LARGE1: variants seen among roughly 807,000 people sequenced by gnomAD.
LARGE1 encodes the protein LARGE xylosyl- and glucuronyltransferase 1.
In LARGE1, 43 loss-of-function variants were observed where a neutral mutation model predicts 87.6. The observed-to-expected ratio is 0.49, with a 90% CI of 0.38 to 0.63. LARGE1 has a LOEUF of 0.63. LARGE1 is among the 30% of genes least tolerant of loss of function. The probability of loss-of-function intolerance (pLI) is 0.00; values close to 1 mark genes in which losing one functional copy is unlikely to be tolerated. For missense variants in LARGE1, 802 were observed against 1,000.2 expected (o/e 0.80, Z 2.67); for synonymous variants, 434 against 394.6 (o/e 1.10, Z -1.18).
intron 11 of LARGE1, among the ~76,000 whole-genome samples, chr22:33,216,069 T>A (rs1456532974): frequency 1.3e-5 from 2 of 152,226 alleles, no homozygotes; most frequent in African/African-American, 2.4e-5. Context: ...ATATAGATAA[T>A]CAGTTGTCTC....
intron 6 of LARGE1, among the ~76,000 whole-genome samples, chr22:33,483,862 CCCCTGTT>C (rs1398172375): frequency 6.6e-6 from 1 of 152,066 alleles, no homozygotes; most frequent in East Asian, 1.9e-4. Context: ...TTCCCCAAGG[CCCCTGTT>C]CCCCATGCAT....
chr22:33,345,300 G>A, intron 9 of LARGE1, among the ~76,000 whole-genome samples: 1 of 152,166 alleles, frequency 6.6e-6, no homozygotes, highest in East Asian at 1.9e-4. Context: ...TTGAACCCAA[G>A]CAGATAGAAA....
intron 9 of LARGE1, among the ~76,000 whole-genome samples, chr22:33,342,358 T>C (rs1177992356): frequency 6.6e-6 from 1 of 152,184 alleles, no homozygotes; most frequent in Admixed American, 6.5e-5. Flanking sequence ...CTTAATGGAT[T>C]GTGCACAAAT....
intron 1 of LARGE1, among the ~76,000 whole-genome samples, chr22:33,780,502 C>T (rs1049296618): frequency 2.0e-5 from 3 of 152,180 alleles, no homozygotes; most frequent in Non-Finnish European, 4.4e-5. Context: ...ACAGCTGCCA[C>T]AGGCCTCAAC....
intron 7 of LARGE1, among the ~76,000 whole-genome samples, chr22:33,423,891 A>T (rs887236215): frequency 6.6e-6 from 1 of 152,200 alleles, no homozygotes; most frequent in African/African-American, 2.4e-5. Flanking sequence ...TCCAAAGAAG[A>T]TAAAACTCAC....
intron 11 of LARGE1, among the ~76,000 whole-genome samples, chr22:33,260,594 T>C (rs1452168700): frequency 6.6e-6 from 1 of 152,188 alleles, no homozygotes; most frequent in African/African-American, 2.4e-5. Flanking sequence ...CGGCCATGCA[T>C]CTAGCAGAGG....
chr22:33,498,104 C>T (rs994626043), intron 6 of LARGE1, among the ~76,000 whole-genome samples: 3 of 152,014 alleles, frequency 2.0e-5, no homozygotes, highest in Non-Finnish European at 2.9e-5. Context: ...AGGCTGGTCT[C>T]GAGTTCCTGG....
At chr22:33,900,437 G>A (rs1470724397) in intron 1 of LARGE1, among the ~76,000 whole-genome samples, 4 of 152,196 alleles carry the variant, frequency 2.6e-5, no homozygotes, top group African/African-American at 9.6e-5. Flanking sequence ...TGCTTGGAAT[G>A]AAGAGCCTCT....
intron 1 of LARGE1, among the ~76,000 whole-genome samples, chr22:33,761,760 G>A (rs1356396527): frequency 1.3e-5 from 2 of 152,022 alleles, no homozygotes; most frequent in Admixed American, 6.6e-5. Flanking sequence ...AACAAAAACT[G>A]TAAGCTCGCT....
chr22:33,180,199 A>G (rs955019223), intron 11 of LARGE1, among the ~76,000 whole-genome samples: 1 of 152,180 alleles, frequency 6.6e-6, no homozygotes, highest in Non-Finnish European at 1.5e-5. Flanking sequence ...ATTTTGTAAT[A>G]GCAGCAGAAA....
At chr22:33,518,012 A>G (rs1426415644) in intron 6 of LARGE1, among the ~76,000 whole-genome samples, 1 of 152,114 alleles carries the variant, frequency 6.6e-6, no homozygotes, top group Non-Finnish European at 1.5e-5. Flanking sequence ...ACTCCTACAG[A>G]TTTTTCTGGG....
intron 2 of LARGE1, among the ~76,000 whole-genome samples, chr22:33,687,852 C>A (rs1438565595): frequency 6.6e-6 from 1 of 152,132 alleles, no homozygotes; most frequent in African/African-American, 2.4e-5. Context: ...TAATATTTGT[C>A]CTATTCTTTA....
At position 33,457,900 on chromosome 22, in the gene LARGE1, T is replaced by C. The variant is rs538818589; in HGVS notation, c.788-25635A>G. Among the ~76,000 whole-genome samples the C allele has an allele frequency of 3.3e-5, 5 of 152,204 alleles. No individual in the cohort carries two copies. The East Asian group carries it at 5.8e-4, about 18-fold the overall frequency. ...GTGTATATGGAAAACGACACAACCT[T>C]AGTTTCAAATCCCAGCTTACCCACT... On this transcript the variant is annotated intron_variant, in intron 6 of 14. Transcript: ENST00000397394.
At chr22:33,482,578 A>G (rs1207406173) in intron 6 of LARGE1, among the ~76,000 whole-genome samples, 2 of 152,158 alleles carry the variant, frequency 1.3e-5, no homozygotes, top group Non-Finnish European at 2.9e-5. Context: ...AGAGCATTAC[A>G]AGAAATGCCA....
chr22:33,800,375 TAGACCAC>T (rs1042225620), intron 1 of LARGE1, among the ~76,000 whole-genome samples: 1 of 152,222 alleles, frequency 6.6e-6, no homozygotes, highest in Admixed American at 6.5e-5. Flanking sequence ...TACAATTAAT[TAGACCAC>T]AGACCTTATT....
chr22:33,802,139 C>T (rs183215253), intron 1 of LARGE1, among the ~76,000 whole-genome samples: 1 of 152,146 alleles, frequency 6.6e-6, no homozygotes, highest in East Asian at 1.9e-4. Context: ...TGCCAAGTTT[C>T]TCAAATAAAA....
chr22:33,898,657 G>T lies in LARGE1; in HGVS notation c.-83+21338C>A, dbSNP rs868702014. On this transcript the variant is annotated intron_variant, in intron 1 of 14. Transcript: ENST00000397394. ...TAATCCCAGCTACTCCAGAGACTGA[G>T]GCAGAAGAATCGCTTGAACCCGGGA... Among the ~76,000 whole-genome samples, 5 of 152,214 alleles carry T rather than the reference G, an allele frequency of 3.3e-5. No individual in the cohort carries two copies. In the South Asian group the frequency reaches 1.0e-3, roughly 32 times the overall value.
chr22:33,632,181 G>A (rs1374952957), intron 3 of LARGE1, among the ~76,000 whole-genome samples: 1 of 152,256 alleles, frequency 6.6e-6, no homozygotes, highest in East Asian at 1.9e-4. Context: ...GGAATGCAGT[G>A]GTATGATCTC....
chr22:33,628,914 C>T (rs1891293233), intron 3 of LARGE1, among the ~76,000 whole-genome samples: 1 of 152,172 alleles, frequency 6.6e-6, no homozygotes, highest in South Asian at 2.1e-4. Flanking sequence ...TGCTGCTCAG[C>T]ATCCCACAAT....
Sources: allele counts gnomAD v4.1 joint callset (sites outside exome capture counted in the v4.1 genomes callset), GRCh38; gene constraint gnomAD v4.1.1; transcripts MANE v1.5; gene names NCBI Gene and HGNC (gene_info 2026-07-23, HGNC 2026-07-21).